LRCH1: variants seen among roughly 807,000 people sequenced by gnomAD.
LRCH1 encodes the protein leucine-rich repeat and calponin homology domain-containing protein 1.
Under a neutral mutation model 94.9 loss-of-function variants are expected in LRCH1, and 23 were observed. The ratio of observed to expected loss-of-function variants is 0.24; its 90% CI spans 0.17 to 0.34. The LOEUF (loss-of-function observed/expected upper bound fraction) is 0.34. Among genes scored for constraint, LRCH1 ranks in the 10% least tolerant of loss-of-function variants. LRCH1 has a pLI of 1.00. For missense variants in LRCH1, 790 were observed against 945.9 expected (o/e 0.84, Z 2.16); for synonymous variants, 364 against 354.9 (o/e 1.03, Z -0.29).
intron 1 of LRCH1, among the ~76,000 whole-genome samples, chr13:46,616,711 G>A (rs1216272218): frequency 2.6e-5 from 4 of 152,170 alleles, no homozygotes; most frequent in Admixed American, 6.5e-5. Context: ...AATTTCATGC[G>A]CGTTCGTGTG....
intron 3 of LRCH1, among the ~76,000 whole-genome samples, chr13:46,679,657 G>A (rs1333791533): frequency 6.6e-6 from 1 of 152,190 alleles, no homozygotes; most frequent in African/African-American, 2.4e-5. Flanking sequence ...AGGAGGGATA[G>A]AGCAACCGCA....
chr13:46,585,062 G>C (rs2050415584), intron 1 of LRCH1, among the ~76,000 whole-genome samples: 1 of 152,232 alleles, frequency 6.6e-6, no homozygotes, highest in Non-Finnish European at 1.5e-5. Context: ...GTGACATTGA[G>C]AAGTAGTTCT....
chr13:46,723,317 A>G lies in LRCH1; in HGVS notation c.1856A>G (p.Glu619Gly). Residue 619 changes from glutamate (E) to glycine (G), a missense_variant, in exon 17 of 20, where the codon GAA becomes GGA. Glu to Gly is a moderately conservative substitution (Grantham distance 98). Around this residue, in one of 3 missense-constraint regions of LRCH1, gnomAD observed 460 missense variants for 508.9 expected, o/e 0.90. Transcript: ENST00000389797. ...ATGAGAGAAGAGAAAGAGCTGGTGGAACAACTTCGTGAGGTACCCAAGAAA... is the reference window on the plus strand; with the variant it reads ...ATGAGAGAAGAGAAAGAGCTGGTGGGACAACTTCGTGAGGTACCCAAGAAA... ...EQMREEKELV[E>G]QLRESIEMRL... 6.2e-7 allele frequency: 1 copy of G among 1,608,592 alleles called. No homozygotes were observed. The highest frequency in any genetic ancestry group is 8.5e-7 in the Non-Finnish European group (1 of 1,175,120).
chr13:46,669,966 C>A (rs1052125960), intron 3 of LRCH1, among the ~76,000 whole-genome samples: 1 of 152,172 alleles, frequency 6.6e-6, no homozygotes, highest in African/African-American at 2.4e-5. Context: ...AGATTCCAGT[C>A]TAGAACAATG....
chr13:46,677,595 A>T (rs2051695430), intron 3 of LRCH1, among the ~76,000 whole-genome samples: 1 of 152,234 alleles, frequency 6.6e-6, no homozygotes, highest in South Asian at 2.1e-4. Context: ...TAACAAAAAT[A>T]TATTAAACTC....
In LRCH1 at chr13:46,733,840, T is replaced by G. The variant is rs537085867; in HGVS notation, c.2008-81T>G. 2.4e-4 allele frequency: 192 copies of G among 788,272 alleles called. 3 individuals are homozygous for G. The Middle Eastern group carries it at 5.0e-3, about 21-fold the overall frequency. 48.8% of individuals were successfully genotyped at this position (788,272 alleles called of 1,614,324 possible). A position where few individuals can be genotyped will look rare whatever the true frequency, so the allele number is the denominator to read the frequency against. ...ATAAACATGTATTGCTTGTGCCATT[T>G]GGGAAGTTTAAAATTTAACATGTTA... On this transcript the variant is annotated intron_variant, in intron 18 of 19. Coordinates refer to ENST00000389797, the MANE Select transcript of LRCH1 (RefSeq NM_001164211.2).
chr13:46,693,641 C>A (rs903136510), intron 8 of LRCH1, among the ~76,000 whole-genome samples: 1 of 152,198 alleles, frequency 6.6e-6, no homozygotes, highest in African/African-American at 2.4e-5. Context: ...CTTGAAAATT[C>A]TGTGGCTCTT....
intron 1 of LRCH1, among the ~76,000 whole-genome samples, chr13:46,578,631 A>C (rs2050330048): frequency 6.6e-6 from 1 of 152,134 alleles, no homozygotes; most frequent in Non-Finnish European, 1.5e-5. Flanking sequence ...TCCCCTCTAA[A>C]AATAATATGC....
At chr13:46,621,963 G>C (rs940144592) in intron 1 of LRCH1, among the ~76,000 whole-genome samples, 2 of 152,060 alleles carry the variant, frequency 1.3e-5, no homozygotes, top group African/African-American at 4.8e-5. Flanking sequence ...TAAGATACAG[G>C]CTTATTATGT....
intron 1 of LRCH1, among the ~76,000 whole-genome samples, chr13:46,646,018 A>G (rs2051216427): frequency 6.6e-6 from 1 of 152,218 alleles, no homozygotes; most frequent in Non-Finnish European, 1.5e-5. Context: ...TTTTCGGGGC[A>G]AACTTCCAGC....
At chr13:46,745,937 C>A (rs1221278678), downstream of LRCH1, among the ~76,000 whole-genome samples, 1 of 152,108 alleles carries the variant, frequency 6.6e-6, no homozygotes, top group Non-Finnish European at 1.5e-5. Flanking sequence ...GCAGAGCTAA[C>A]CCTGACACTG....
chr13:46,624,733 A>C (rs576253143), intron 1 of LRCH1, among the ~76,000 whole-genome samples: 186 of 152,350 alleles, frequency 1.2e-3, no homozygotes, highest in African/African-American at 4.0e-3. Flanking sequence ...AATCTGCTTT[A>C]GTAAGGATGA....
At chr13:46,598,590 ACAAC>A (rs773930197) in intron 1 of LRCH1, among the ~76,000 whole-genome samples, 7 of 143,994 alleles carry the variant, frequency 4.9e-5, no homozygotes, top group African/African-American at 5.2e-5. Flanking sequence ...ACCACTAACA[ACAAC>A]AAAAAAAAAA....
chr13:46,598,323 C>T (rs1035261357), intron 1 of LRCH1, among the ~76,000 whole-genome samples: 1 of 151,336 alleles, frequency 6.6e-6, no homozygotes, highest in Non-Finnish European at 1.5e-5. Context: ...TTGTCTGGCC[C>T]TCTTGCAGCC....
At position 46,680,390 on chromosome 13, in the gene LRCH1, T is replaced by C. The variant is rs2051735250; in HGVS notation, c.580-1351T>C. 2.0e-5 allele frequency among the ~76,000 whole-genome samples: 3 copies of C among 152,174 alleles called. No individual in the cohort carries two copies. In the South Asian group the frequency reaches 6.2e-4, roughly 32 times the overall value. On this transcript the variant is annotated intron_variant, in intron 3 of 19. Coordinates refer to ENST00000389797, the MANE Select transcript of LRCH1 (RefSeq NM_001164211.2). ...GAGCTCATAGGTTTAAAGGGGAATG[T>C]AAACCCATGAGCAAATGACTTACAG...
chr13:46,699,362 G>A lies in LRCH1; in HGVS notation c.1272G>A (p.Leu424=), dbSNP rs375577374. Residue 424 remains leucine, a synonymous_variant, in exon 10 of 20, where the codon CTG becomes CTA. Transcript: ENST00000389797. The part of the protein sequence containing the change: ...YKARAEDCEE[L]LRIEEDVHWQ... ...CAAGGGCAGAAGACTGTGAAGAGCTGTTACGGATAGAAGAGGATGTGCACT... is the reference window on the plus strand; with the variant it reads ...CAAGGGCAGAAGACTGTGAAGAGCTATTACGGATAGAAGAGGATGTGCACT... 194 of 1,614,034 alleles carry A rather than the reference G, an allele frequency of 1.2e-4. No homozygotes were observed. Among genetic ancestry groups the A allele is most frequent in the Middle Eastern group, 4.9e-4 (3 of 6,084 alleles).
chr13:46,725,487 A>G (rs1872770403), intron 17 of LRCH1, among the ~76,000 whole-genome samples: 1 of 152,214 alleles, frequency 6.6e-6, no homozygotes, highest in South Asian at 2.1e-4. Context: ...AGAGAACAAA[A>G]AGGTCTCTGC....
At chr13:46,739,177 G>A (rs995656156) in intron 19 of LRCH1, among the ~76,000 whole-genome samples, 4 of 152,166 alleles carry the variant, frequency 2.6e-5, no homozygotes, top group African/African-American at 9.7e-5. Flanking sequence ...TGCTGGATCT[G>A]TCTACTTTTC....
At chr13:46,565,746 G>T (rs1046217797) in intron 1 of LRCH1, among the ~76,000 whole-genome samples, 1 of 151,464 alleles carries the variant, frequency 6.6e-6, no homozygotes, top group African/African-American at 2.4e-5. Flanking sequence ...GGAGGCGGAG[G>T]TTGCAGTGAG....
Sources: gnomAD v4.1 joint callset for allele counts (sites outside exome capture counted in the v4.1 genomes callset) on GRCh38, gnomAD v4.1.1 for gene constraint, gnomAD v4.1.1 regional missense constraint, MANE v1.5 for transcripts, NCBI Gene and HGNC (gene_info 2026-07-23, HGNC 2026-07-21) for gene names.